NKAIN3: variants seen among roughly 807,000 people sequenced by gnomAD.
The protein encoded by NKAIN3 is sodium/potassium transporting ATPase interacting 3, also known as sodium/potassium-transporting ATPase subunit beta-1-interacting protein 3.
A neutral mutation model predicts 30.2 loss-of-function variants in NKAIN3; 25 were observed. The ratio of observed to expected loss-of-function variants is 0.83; its 90% confidence interval spans 0.60 to 1.16. The LOEUF (loss-of-function observed/expected upper bound fraction) is 1.16, where lower values mean the gene tolerates loss of function less well. NKAIN3 is among the 50% of genes most tolerant of loss of function. The pLI, the probability that NKAIN3 is intolerant of heterozygous loss-of-function variation, is 0.00. For missense variants in NKAIN3, 225 were observed against 254.1 expected, an observed-to-expected ratio of 0.89 and a Z score of 0.78; for synonymous variants, 91 against 89.6, an observed-to-expected ratio of 1.02 and a Z score of -0.09.
At chr8:62,746,411 C>T (rs1036574204) in intron 3 of NKAIN3, among the ~76,000 whole-genome samples, 1 of 152,182 alleles carries the variant, frequency 6.6e-6, no homozygotes, top group African/African-American at 2.4e-5. Flanking sequence ...TTCACAGGTT[C>T]CAAGGATTAG....
At chr8:62,681,675 A>G in intron 3 of NKAIN3, among the ~76,000 whole-genome samples, 1 of 152,228 alleles carries the variant, frequency 6.6e-6, no homozygotes. Context: ...AAGTTTATGT[A>G]TATAAATCAC....
At chr8:62,351,543 A>G (rs1424318023) in intron 1 of NKAIN3, among the ~76,000 whole-genome samples, 2 of 150,192 alleles carry the variant, frequency 1.3e-5, no homozygotes, top group Non-Finnish European at 3.0e-5. Context: ...TTAAATACAC[A>G]ACATATATCA....
At position 62,784,909 on chromosome 8, in the gene NKAIN3, G is replaced by A. The variant is rs138306809; in HGVS notation, c.471+37780G>A. 4.1e-3 allele frequency among the ~76,000 whole-genome samples: 629 copies of A among 152,272 alleles called. 1 individual carries two copies. The highest frequency in any genetic ancestry group is 7.0e-3 in the Non-Finnish European group (474 of 68,016). Reference sequence around the variant, plus strand: ...TTCAAATGAAAACTACAGTGAAATAGTCACTTCACACCCACTAATTGGGCT... The same window carrying A: ...TTCAAATGAAAACTACAGTGAAATAATCACTTCACACCCACTAATTGGGCT... On this transcript the variant is annotated intron_variant, in intron 4 of 6. Transcript: ENST00000623646.
At chr8:62,780,872 T>C (rs1817334878) in intron 4 of NKAIN3, among the ~76,000 whole-genome samples, 1 of 152,036 alleles carries the variant, frequency 6.6e-6, no homozygotes, top group East Asian at 1.9e-4. Flanking sequence ...TTCTAAGAAC[T>C]GTAACAAGAC....
chr8:62,916,767 T>C (rs930479905), intron 4 of NKAIN3, among the ~76,000 whole-genome samples: 2 of 152,144 alleles, frequency 1.3e-5, no homozygotes, highest in Non-Finnish European at 2.9e-5. Context: ...ACTGTTCCTC[T>C]GCGTTATCGT....
intron 4 of NKAIN3, among the ~76,000 whole-genome samples, chr8:62,851,660 G>A (rs953900103): frequency 6.6e-6 from 1 of 152,124 alleles, no homozygotes; most frequent in Non-Finnish European, 1.5e-5. Context: ...AGAGTTTTTA[G>A]CATGAAGCAT....
intron 5 of NKAIN3, among the ~76,000 whole-genome samples, chr8:62,998,666 G>A (rs1259876927): frequency 6.6e-6 from 1 of 152,164 alleles, no homozygotes; most frequent in African/African-American, 2.4e-5. Flanking sequence ...GCATGAATTC[G>A]TGATTTGGGA....
intron 3 of NKAIN3, among the ~76,000 whole-genome samples, chr8:62,688,250 T>A (rs780801891): frequency 3.8e-4 from 58 of 152,224 alleles, no homozygotes; most frequent in Non-Finnish European, 6.6e-4. Context: ...CTGACGGGAA[T>A]AATATTGGCC....
intron 4 of NKAIN3, among the ~76,000 whole-genome samples, chr8:62,843,423 A>T (rs2130762909): frequency 6.6e-6 from 1 of 151,770 alleles, no homozygotes; most frequent in Non-Finnish European, 1.5e-5. Context: ...TGCAACCTCC[A>T]CCTCACTCAT....
intron 1 of NKAIN3, among the ~76,000 whole-genome samples, chr8:62,409,723 G>C (rs914651726): frequency 6.6e-6 from 1 of 151,790 alleles, no homozygotes; most frequent in Non-Finnish European, 1.5e-5. Flanking sequence ...AGGCTAAGAA[G>C]AAAAATATCC....
rs1824130035 is a variant in NKAIN3, at chr8:62,983,452, AT to A, written c.*18047del. 1 of 152,178 alleles carries A rather than the reference AT, an allele frequency of 6.6e-6. No individual in the cohort carries two copies. Among genetic ancestry groups the A allele is most frequent in the Non-Finnish European group, 1.5e-5 (1 of 68,022 alleles). 9.4% of individuals were successfully genotyped at this position (152,178 alleles called of 1,614,324 possible). A position where few individuals can be genotyped will look rare whatever the true frequency, so the allele number is the denominator to read the frequency against. On this transcript the variant is annotated 3_prime_UTR_variant, in exon 7 of 7. Coordinates refer to ENST00000623646, the MANE Select transcript of NKAIN3 (RefSeq NM_001304533.3). ...GCAACCCTCTTCTGTCTCCCTAAGC[AT>A]TCAACAAACACTTAGTGACCATCTG...
At chr8:62,296,450 A>G (rs1169386219) in intron 1 of NKAIN3, among the ~76,000 whole-genome samples, 1 of 152,186 alleles carries the variant, frequency 6.6e-6, no homozygotes, top group Admixed American at 6.6e-5. Flanking sequence ...ATAAACAGTT[A>G]TAAGAAATTC....
chr8:62,290,297 G>C (rs1269259941), intron 1 of NKAIN3, among the ~76,000 whole-genome samples: 1 of 152,170 alleles, frequency 6.6e-6, no homozygotes, highest in Non-Finnish European at 1.5e-5. Context: ...GGAGTGGTGA[G>C]AGAGGGCATC....
At chr8:62,954,509 A>C (rs1453438942) in intron 6 of NKAIN3, among the ~76,000 whole-genome samples, 1 of 152,234 alleles carries the variant, frequency 6.6e-6, no homozygotes, top group East Asian at 1.9e-4. Flanking sequence ...TTCAGGAACA[A>C]GTTTTCTATG....
intron 3 of NKAIN3, among the ~76,000 whole-genome samples, chr8:62,689,846 G>A (rs1813908783): frequency 6.6e-6 from 1 of 151,808 alleles, no homozygotes; most frequent in Admixed American, 6.6e-5. Flanking sequence ...AGTCTCAGTT[G>A]GACCTGAACG....
chr8:62,811,534 C>T (rs777581529), intron 4 of NKAIN3, among the ~76,000 whole-genome samples: 4 of 151,886 alleles, frequency 2.6e-5, no homozygotes, highest in Non-Finnish European at 4.4e-5. Flanking sequence ...CAGCATTTTT[C>T]ATTATTGTCA....
rs182640048 is a variant in NKAIN3 at position 62,330,194 on chromosome 8, T to C, written c.54+81067T>C. Among the ~76,000 whole-genome samples, 558 of 152,012 alleles carry C rather than the reference T, an allele frequency of 3.7e-3. 3 individuals are homozygous for C. Among genetic ancestry groups the C allele is most frequent in the African/African-American group, 0.011 (470 of 41,488 alleles). Reference sequence around the variant, plus strand: ...CAGTAGTTTCCAGGCCCTGGTTTCATGTGGGCAACAGGGGTGATGAATAAT... The same window carrying C: ...CAGTAGTTTCCAGGCCCTGGTTTCACGTGGGCAACAGGGGTGATGAATAAT... On this transcript the variant is annotated intron_variant, in intron 1 of 6. Transcript: ENST00000623646.
intron 4 of NKAIN3, chr8:62,862,989 G>T: frequency 1.9e-6 from 1 of 517,252 alleles, no homozygotes; most frequent in South Asian, 2.0e-5. Flanking sequence ...GCATGTGTAT[G>T]CATACATATG....
At chr8:62,890,637 T>A (rs995000620) in intron 4 of NKAIN3, among the ~76,000 whole-genome samples, 1 of 152,196 alleles carries the variant, frequency 6.6e-6, no homozygotes, top group African/African-American at 2.4e-5. Context: ...TGAGTTTTCA[T>A]CTCTTCCACC....
Sources: allele counts gnomAD v4.1 joint callset (sites outside exome capture counted in the v4.1 genomes callset), GRCh38; gene constraint gnomAD v4.1.1; transcripts MANE v1.5; gene names NCBI Gene and HGNC (gene_info 2026-07-23, HGNC 2026-07-21).